BCL2L1: variants seen among roughly 807,000 people sequenced by gnomAD.
The protein encoded by BCL2L1 is bcl-2-like protein 1.
BCL2L1 carries 1 observed loss-of-function variant against 18.7 expected under a neutral mutation model. That is an observed-to-expected ratio of 0.05 (90% confidence interval 0.02 to 0.25). The LOEUF is 0.25. Ranked by LOEUF, BCL2L1 falls within the 10% of genes least tolerant of loss-of-function variation. The pLI, the probability that BCL2L1 is intolerant of heterozygous loss-of-function variation, is 1.00. For synonymous variants in BCL2L1, 103 were observed against 122.7 expected (o/e 0.84, Z 1.06); for missense variants, 207 against 304.9 (o/e 0.68, Z 2.39).
chr20:31,673,068 CTTT>C (rs906594378), intron 2 of BCL2L1, among the ~76,000 whole-genome samples: 7 of 118,262 alleles, frequency 5.9e-5, no homozygotes, highest in East Asian at 2.4e-4. Context: ...GGTGTCCTTG[CTTT>C]TTTTTTTTTT....
chr20:31,678,005 A>G lies in BCL2L1; in HGVS notation c.565-11919T>C, dbSNP rs574549301. Reference sequence around the variant, plus strand: ...CTGGCAAAACTAGAAAGAGGCCCCAATATAGCAGGTGATTATGCAAGGTGT... The same window carrying G: ...CTGGCAAAACTAGAAAGAGGCCCCAGTATAGCAGGTGATTATGCAAGGTGT... On this transcript the variant is annotated intron_variant, in intron 2 of 2. Coordinates refer to ENST00000307677, the MANE Select transcript of BCL2L1 (RefSeq NM_138578.3). 2.6e-5 allele frequency among the ~76,000 whole-genome samples: 4 copies of G among 152,320 alleles called. No homozygotes were observed. The South Asian group carries it at 6.2e-4, about 24-fold the overall frequency.
intron 2 of BCL2L1, among the ~76,000 whole-genome samples, chr20:31,702,713 T>C (rs985473228): frequency 2.0e-5 from 3 of 151,168 alleles, no homozygotes; most frequent in Non-Finnish European, 4.4e-5. Flanking sequence ...GGTTTCTCCA[T>C]GTTGGTCAGG....
chr20:31,680,167 C>T lies in BCL2L1; in HGVS notation c.565-14081G>A, dbSNP rs112383836. ...TACCAATGAGGAAACTAAAATTCAGCGAAGTGATGAGACTTTGCCTGAGGC... is the reference window on the plus strand; with the variant it reads ...TACCAATGAGGAAACTAAAATTCAGTGAAGTGATGAGACTTTGCCTGAGGC... On this transcript the variant is annotated intron_variant, in intron 2 of 2. Transcript: ENST00000307677. 1.7e-3 allele frequency among the ~76,000 whole-genome samples: 261 copies of T among 152,266 alleles called. 3 individuals are homozygous for T. The highest frequency in any genetic ancestry group is 6.1e-3 in the African/African-American group (254 of 41,556).
At chr20:31,718,650 C>T (rs1418768365) in intron 2 of BCL2L1, among the ~76,000 whole-genome samples, 5 of 147,138 alleles carry the variant, frequency 3.4e-5, no homozygotes, top group African/African-American at 1.3e-4. Context: ...AGCGAGACTC[C>T]GTCTCAAAAA....
intron 2 of BCL2L1, among the ~76,000 whole-genome samples, chr20:31,682,410 C>T (rs1287535875): frequency 1.3e-5 from 2 of 152,190 alleles, no homozygotes; most frequent in Admixed American, 6.5e-5. Context: ...TCAGCCATCA[C>T]TGCTTTGACC....
chr20:31,706,062 G>A (rs533517285), intron 2 of BCL2L1, among the ~76,000 whole-genome samples: 14 of 152,308 alleles, frequency 9.2e-5, no homozygotes, highest in Admixed American at 7.8e-4. Context: ...GAACATGGGT[G>A]CTGTGAGCAA....
chr20:31,706,310 C>A (rs1287574686), intron 2 of BCL2L1, among the ~76,000 whole-genome samples: 2 of 152,216 alleles, frequency 1.3e-5, no homozygotes, highest in Non-Finnish European at 2.9e-5. Context: ...AGAGTCTGGC[C>A]TTGCCTGGTA....
rs566083627 is a variant in BCL2L1, at chr20:31,682,217, C to T, written c.565-16131G>A. On this transcript the variant is annotated intron_variant, in intron 2 of 2. Coordinates refer to ENST00000307677, the MANE Select transcript of BCL2L1 (RefSeq NM_138578.3). The stretch of plus-strand genomic sequence containing the variant: ...TGTGCAAGAACTTCCCAAGTCCTTC[C>T]AAATTAACAGGAGGTAGGCCTGGTC... Among the ~76,000 whole-genome samples, 509 of 152,330 alleles carry T rather than the reference C, an allele frequency of 3.3e-3. 3 individuals are homozygous for T. Among genetic ancestry groups the T allele is most frequent in the African/African-American group, 0.012 (483 of 41,580 alleles).
At chr20:31,707,324 T>A (rs927601401) in intron 2 of BCL2L1, among the ~76,000 whole-genome samples, 1 of 152,222 alleles carries the variant, frequency 6.6e-6, no homozygotes, top group African/African-American at 2.4e-5. Context: ...GGAGAGTAGA[T>A]CCAATAGCAA....
At chr20:31,718,172 A>G (rs1484994) in intron 2 of BCL2L1, among the ~76,000 whole-genome samples, 56,074 of 152,056 alleles carry the variant, frequency 0.37, 12,436 homozygotes, top group African/African-American at 0.61. Flanking sequence ...CAGATGGACA[A>G]GACAGCCGAA....
chr20:31,692,283 T>C (rs2061087955), intron 2 of BCL2L1, among the ~76,000 whole-genome samples: 1 of 152,248 alleles, frequency 6.6e-6, no homozygotes, highest in Non-Finnish European at 1.5e-5. Flanking sequence ...ATAACAGCAT[T>C]GTCTGAAACA....
At position 31,667,484 on chromosome 20, in the gene BCL2L1, CGTGTGTGTGTGTGTGT is replaced by C. The variant is rs3073682; in HGVS notation, c.565-1414_565-1399del. Among the ~76,000 whole-genome samples, 14 of 135,334 alleles carry C rather than the reference CGTGTGTGTGTGTGTGT, an allele frequency of 1.0e-4. No homozygotes were observed. The South Asian group carries it at 1.8e-3, about 17-fold the overall frequency. The allele number at this position is 135,334 out of a possible 152,430, so 88.8% of individuals were successfully genotyped here. ...AAAAAAAAAGGAAGTACCATAGTAC[CGTGTGTGTGTGTGTGT>C]GTGTGTGTGTGTGTAAAATGAATGA... On this transcript the variant is annotated intron_variant, in intron 2 of 2. Transcript: ENST00000307677.
At chr20:31,683,440 C>T (rs1002274199) in intron 2 of BCL2L1, among the ~76,000 whole-genome samples, 2 of 152,114 alleles carry the variant, frequency 1.3e-5, no homozygotes, top group African/African-American at 2.4e-5. Flanking sequence ...TGCCTACCAC[C>T]GGCCACCTAA....
intron 2 of BCL2L1, among the ~76,000 whole-genome samples, chr20:31,679,286 T>C (rs1314475657): frequency 6.6e-6 from 1 of 152,148 alleles, no homozygotes; most frequent in Non-Finnish European, 1.5e-5. Flanking sequence ...TGGAAGCAAC[T>C]CACTGTCCCA....
intron 2 of BCL2L1, chr20:31,720,251 C>T (rs1381016246): frequency 1.4e-6 from 1 of 719,868 alleles, no homozygotes; most frequent in African/African-American, 1.9e-5. Flanking sequence ...AGGGCAAACT[C>T]AGGAGGTCTC....
intron 2 of BCL2L1, chr20:31,720,723 C>G: frequency 1.0e-6 from 1 of 983,846 alleles, no homozygotes; most frequent in South Asian, 4.7e-5. Context: ...AGTAACCCAG[C>G]CTGTCCAAGG....
At chr20:31,723,767 C>G, upstream of BCL2L1, 1 of 981,696 alleles carries the variant, frequency 1.0e-6, no homozygotes, top group Non-Finnish European at 1.2e-6. Context: ...GGGGCCACAT[C>G]CCCCTTCATC....
chr20:31,673,044 C>T (rs551434881), intron 2 of BCL2L1, among the ~76,000 whole-genome samples: 2 of 151,286 alleles, frequency 1.3e-5, no homozygotes, highest in African/African-American at 4.9e-5. Flanking sequence ...GGTTACTTCA[C>T]CTCTCTGGTC....
At chr20:31,703,778 C>A (rs1475384203) in intron 2 of BCL2L1, among the ~76,000 whole-genome samples, 2 of 151,188 alleles carry the variant, frequency 1.3e-5, no homozygotes, top group Non-Finnish European at 2.9e-5. Flanking sequence ...AGGCATGAGC[C>A]ACTGAGCCCA....
Sources: allele counts gnomAD v4.1 joint callset (sites outside exome capture counted in the v4.1 genomes callset), GRCh38; gene constraint gnomAD v4.1.1; transcripts MANE v1.5; gene names NCBI Gene and HGNC (gene_info 2026-07-23, HGNC 2026-07-21).